The following SUFU variants were observed in gnomAD, a reference collection of about 807,000 sequenced individuals.
SUFU encodes the protein SUFU negative regulator of hedgehog signaling, also known as suppressor of fused homolog.
Under a neutral mutation model 58.9 loss-of-function variants are expected in SUFU, and 7 were observed. That is an observed-to-expected ratio of 0.12 (90% confidence interval 0.07 to 0.22). The LOEUF is 0.22. SUFU is among the 10% of genes least tolerant of loss of function. The pLI, the probability that SUFU is intolerant of heterozygous loss-of-function variation, is 1.00. For synonymous variants in SUFU, 232 were observed against 254.8 expected (o/e 0.91, Z 0.85); for missense variants, 451 against 641.3 (o/e 0.70, Z 3.20).
intron 3 of SUFU, among the ~76,000 whole-genome samples, chr10:102,553,447 A>C (rs2062941282): frequency 6.6e-6 from 1 of 151,690 alleles, no homozygotes; most frequent in Admixed American, 6.6e-5. Context: ...TCACACATCT[A>C]GTGGGTACAA....
chr10:102,507,639 A>G (rs1437247015), intron 1 of SUFU, among the ~76,000 whole-genome samples: 1 of 152,236 alleles, frequency 6.6e-6, no homozygotes, highest in East Asian at 1.9e-4. Context: ...TCTATCCACA[A>G]AGGCAAATAA....
At chr10:102,596,376 A>T (rs2063461612) in intron 6 of SUFU, among the ~76,000 whole-genome samples, 1 of 152,238 alleles carries the variant, frequency 6.6e-6, no homozygotes, top group Admixed American at 6.5e-5. Context: ...CAGAAAATCC[A>T]GGGATGTTTT....
intron 2 of SUFU, among the ~76,000 whole-genome samples, chr10:102,537,247 A>C (rs1178334789): frequency 6.8e-6 from 1 of 147,960 alleles, no homozygotes; most frequent in African/African-American, 2.5e-5. Flanking sequence ...TTCTTCTGCT[A>C]CAGACTCCGA....
chr10:102,559,059 G>A (rs1243936591), intron 3 of SUFU, among the ~76,000 whole-genome samples: 1 of 152,186 alleles, frequency 6.6e-6, no homozygotes. Context: ...CACTTGGCTT[G>A]TCTTTTTAAA....
chr10:102,580,974 G>A (rs2063270944), intron 3 of SUFU, among the ~76,000 whole-genome samples: 1 of 151,938 alleles, frequency 6.6e-6, no homozygotes, highest in Non-Finnish European at 1.5e-5. Context: ...TTGAGGTCAG[G>A]AGTTCAAGAC....
chr10:102,620,665 G>A (rs2063732316), intron 10 of SUFU, among the ~76,000 whole-genome samples: 4 of 152,192 alleles, frequency 2.6e-5, no homozygotes, highest in Admixed American at 1.3e-4. Flanking sequence ...CTGTGCAGGA[G>A]GCTCTTCAGA....
chr10:102,529,143 G>C (rs1354222910), intron 2 of SUFU, among the ~76,000 whole-genome samples: 1 of 151,930 alleles, frequency 6.6e-6, no homozygotes, highest in Non-Finnish European at 1.5e-5. Context: ...AGTAGTATTT[G>C]TGTTGTCACC....
intron 3 of SUFU, among the ~76,000 whole-genome samples, chr10:102,576,672 T>C (rs2063214907): frequency 6.6e-6 from 1 of 152,236 alleles, no homozygotes; most frequent in Non-Finnish European, 1.5e-5. Flanking sequence ...TCCTCCAAAG[T>C]GACCATACTA....
intron 2 of SUFU, among the ~76,000 whole-genome samples, chr10:102,513,656 C>T (rs1480018190): frequency 2.0e-5 from 3 of 152,278 alleles, no homozygotes; most frequent in Non-Finnish European, 2.9e-5. Flanking sequence ...CTAGAGGCTG[C>T]AGTGAGGAGG....
chr10:102,596,935 C>T (rs1490230886), intron 6 of SUFU, among the ~76,000 whole-genome samples: 1 of 152,126 alleles, frequency 6.6e-6, no homozygotes, highest in Non-Finnish European at 1.5e-5. Flanking sequence ...CCTGGTTCCC[C>T]TGGAGGAGTC....
rs750635421 is a variant in SUFU, at chr10:102,619,775, T to C, written c.1296+2347T>C. Among the ~76,000 whole-genome samples, 2 of 152,174 alleles carry C rather than the reference T, an allele frequency of 1.3e-5. No homozygotes were observed. The highest frequency in any genetic ancestry group is 2.9e-5 in the Non-Finnish European group (2 of 68,018). On this transcript the variant is annotated intron_variant, in intron 10 of 11. Coordinates refer to ENST00000369902, the MANE Select transcript of SUFU (RefSeq NM_016169.4). The surrounding 1 kb of genome is among the most constrained non-coding windows in gnomAD (Gnocchi z 4.2). ...CTGTGGTCACAGGCAGCTCCCTTGC[T>C]TGTGGGAACCTGGGCTTGTAATTAC...
At chr10:102,535,567 G>A (rs1428441316) in intron 2 of SUFU, among the ~76,000 whole-genome samples, 1 of 152,120 alleles carries the variant, frequency 6.6e-6, no homozygotes, top group African/African-American at 2.4e-5. Flanking sequence ...ATCACCCCTG[G>A]TTCTGGAGTT....
intron 3 of SUFU, among the ~76,000 whole-genome samples, chr10:102,576,195 A>G (rs913723480): frequency 3.3e-5 from 5 of 151,974 alleles, no homozygotes; most frequent in Non-Finnish European, 7.4e-5. Context: ...GTTCTCTGTG[A>G]CCACCCCACC....
intron 3 of SUFU, among the ~76,000 whole-genome samples, chr10:102,562,577 G>A (rs1446086789): frequency 6.6e-6 from 1 of 151,732 alleles, no homozygotes; most frequent in African/African-American, 2.4e-5. Context: ...CTTTTCTATA[G>A]TTAAAAGTAA....
chr10:102,620,045 T>C (rs958175053), intron 10 of SUFU, among the ~76,000 whole-genome samples: 1 of 152,188 alleles, frequency 6.6e-6, no homozygotes, highest in Admixed American at 6.5e-5. Context: ...CCCAGGCCTA[T>C]TGGAGGCAGA....
chr10:102,555,620 A>G (rs977606013), intron 3 of SUFU, among the ~76,000 whole-genome samples: 2 of 152,244 alleles, frequency 1.3e-5, no homozygotes, highest in Non-Finnish European at 2.9e-5. Context: ...TAAGTCCGGT[A>G]GAGCCTATGC....
At chr10:102,623,661 C>T (rs773640577) in intron 10 of SUFU, among the ~76,000 whole-genome samples, 2 of 152,226 alleles carry the variant, frequency 1.3e-5, no homozygotes, top group Non-Finnish European at 2.9e-5. Context: ...AGCCTTGAGC[C>T]AGGCGTGGTG....
At chr10:102,512,371 T>G (rs1029427704) in intron 2 of SUFU, among the ~76,000 whole-genome samples, 2 of 152,224 alleles carry the variant, frequency 1.3e-5, no homozygotes, top group Non-Finnish European at 2.9e-5. Flanking sequence ...CTGTACCTTT[T>G]TGTTGACAGA....
intron 3 of SUFU, among the ~76,000 whole-genome samples, chr10:102,559,014 A>C (rs1169616774): frequency 2.6e-5 from 4 of 152,080 alleles, no homozygotes; most frequent in Non-Finnish European, 5.9e-5. Flanking sequence ...GTTCTCAAGG[A>C]CCTGAGTTGT....
Sources: allele counts gnomAD v4.1 joint callset (sites outside exome capture counted in the v4.1 genomes callset), GRCh38; gene constraint gnomAD v4.1.1; non-coding constraint Gnocchi (gnomAD v3.1); transcripts MANE v1.5; gene names NCBI Gene and HGNC (gene_info 2026-07-23, HGNC 2026-07-21).